Variants in PLOD1 observed in about 807,000 individuals in gnomAD.
PLOD1 encodes procollagen-lysine,2-oxoglutarate 5-dioxygenase 1.
A neutral mutation model predicts 94.7 loss-of-function variants in PLOD1; 70 were observed. The ratio of observed to expected loss-of-function variants is 0.74; its 90% CI spans 0.61 to 0.90. The LOEUF is 0.90. Among genes scored for constraint, PLOD1 ranks in the 40% least tolerant of loss-of-function variants. PLOD1 has a pLI of 0.00. For missense variants in PLOD1, 905 were observed against 972.7 expected (o/e 0.93, Z 0.93); for synonymous variants, 417 against 400.2 (o/e 1.04, Z -0.50).
Position 11,964,247 on chromosome 1 carries a change from T to C in PLOD1, c.1275T>C (p.Asp425=), listed in dbSNP as rs979062420. The part of the protein sequence containing the change: ...WSNFWGALSA[D]GYYARSEDYV... The stretch of plus-strand genomic sequence containing the variant: ...ACTTCTGGGGGGCTCTCAGTGCAGA[T>C]GGCTACTATGCCCGTTCCGAGGACT... The change falls in exon 12 of 19, where the codon GAT becomes GAC. Residue 425 remains aspartate, a synonymous_variant. Coordinates refer to ENST00000196061, the MANE Select transcript of PLOD1 (RefSeq NM_000302.4). 2.7e-6 allele frequency: 4 copies of C among 1,466,064 alleles called. No individual in the cohort carries two copies. Among genetic ancestry groups the C allele is most frequent in the Middle Eastern group, 1.9e-4 (1 of 5,308 alleles). The allele number at this position is 1,466,064 out of a possible 1,614,324, so 90.8% of individuals were successfully genotyped here.
chr1:11,968,115 G>A (rs1645834655), intron 16 of PLOD1, among the ~76,000 whole-genome samples: 1 of 151,828 alleles, frequency 6.6e-6, no homozygotes, highest in South Asian at 2.1e-4. Flanking sequence ...CACCATCCCT[G>A]GCTAATTTTT....
rs544162960 is a variant in PLOD1, at chr1:11,939,458, A to C, written c.76+4603A>C. Among the ~76,000 whole-genome samples, 6 of 152,190 alleles carry C rather than the reference A, an allele frequency of 3.9e-5. No individual in the cohort carries two copies. The South Asian group carries it at 1.2e-3, about 32-fold the overall frequency. On this transcript the variant is annotated intron_variant, in intron 1 of 18. Coordinates refer to ENST00000196061, the MANE Select transcript of PLOD1 (RefSeq NM_000302.4). ...GTGCCTTGACTCAGGCCACACAGTG[A>C]CCACCCACGCCTTGGGCTGGGACTG...
intron 1 of PLOD1, among the ~76,000 whole-genome samples, chr1:11,946,996 C>T (rs549415728): frequency 5.1e-4 from 78 of 152,194 alleles, no homozygotes; most frequent in Non-Finnish European, 6.8e-4. Flanking sequence ...CTGCTGGGCA[C>T]GGTGGCTCAT....
At chr1:11,962,452 AT>A (rs1645785224) in intron 10 of PLOD1, among the ~76,000 whole-genome samples, 1 of 149,268 alleles carries the variant, frequency 6.7e-6, no homozygotes, top group Admixed American at 6.7e-5. Flanking sequence ...AATTTTTTGT[AT>A]TTTTAGTAGA....
chr1:11,972,736 G>C lies in PLOD1; in HGVS notation c.1903-136G>C, dbSNP rs971528507. 3 of 859,810 alleles carry C rather than the reference G, an allele frequency of 3.5e-6. No individual in the cohort carries two copies. The highest frequency in any genetic ancestry group is 2.7e-5 in the South Asian group (2 of 74,000). The allele number at this position is 859,810 out of a possible 1,614,324, so 53.3% of individuals were successfully genotyped here. A position where few individuals can be genotyped will look rare whatever the true frequency, so the allele number is the denominator to read the frequency against. ...AGGTAGTTGCAGGCACTCGAGCATAGAGCCCCATGTAGACCTGGCCCCTGT... is the reference window on the plus strand; with the variant it reads ...AGGTAGTTGCAGGCACTCGAGCATACAGCCCCATGTAGACCTGGCCCCTGT... On this transcript the variant is annotated intron_variant, in intron 17 of 18. Transcript: ENST00000196061. This position sits in a 1 kb window ranked among gnomAD's most constrained non-coding sequence, Gnocchi z 4.6.
chr1:11,971,230 G>C (rs1316695811), intron 17 of PLOD1, among the ~76,000 whole-genome samples: 1 of 115,748 alleles, frequency 8.6e-6, no homozygotes, highest in Non-Finnish European at 1.8e-5. Flanking sequence ...GGAGTGGGGG[G>C]CTTGGGTGGA....
intron 1 of PLOD1, among the ~76,000 whole-genome samples, chr1:11,936,494 G>C (rs536599001): frequency 6.6e-6 from 1 of 151,870 alleles, no homozygotes; most frequent in East Asian, 1.9e-4. Context: ...TTTGGGTCAG[G>C]AATGGGAACC....
At position 11,957,950 on chromosome 1, in the gene PLOD1, C is replaced by G. The variant is rs756834446; in HGVS notation, c.843+7C>G. The G allele has an allele frequency of 3.1e-6, 5 of 1,590,952 alleles. No individual in the cohort carries two copies. In the East Asian group the frequency reaches 1.1e-4, roughly 36 times the overall value. On this transcript the variant is annotated splice_region_variant and intron_variant, in intron 8 of 18. Coordinates refer to ENST00000196061, the MANE Select transcript of PLOD1 (RefSeq NM_000302.4). This position sits in a 1 kb window ranked among gnomAD's most constrained non-coding sequence, Gnocchi z 4.1. Reference sequence around the variant, plus strand: ...CAGCCTCAAGGGCATTGGGGTGAGGCTGCGCCCAGGCCTGTGCCTGAGGGA... The same window carrying G: ...CAGCCTCAAGGGCATTGGGGTGAGGGTGCGCCCAGGCCTGTGCCTGAGGGA...
chr1:11,945,897 C>T (rs776108365), intron 1 of PLOD1, among the ~76,000 whole-genome samples: 2 of 151,882 alleles, frequency 1.3e-5, no homozygotes, highest in South Asian at 2.1e-4. Flanking sequence ...TTAGTAGAGA[C>T]GGGGTTTCAC....
Position 11,963,720 on chromosome 1 carries a change from C to T in PLOD1, c.1202+84C>T, listed in dbSNP as rs1486359016. 2 of 791,542 alleles carry T rather than the reference C, an allele frequency of 2.5e-6. No homozygotes were observed. The highest frequency in any genetic ancestry group is 4.4e-6 in the Non-Finnish European group (2 of 454,896). 49.0% of individuals were successfully genotyped at this position (791,542 alleles called of 1,614,324 possible). A position where few individuals can be genotyped will look rare whatever the true frequency, so the allele number is the denominator to read the frequency against. On this transcript the variant is annotated intron_variant, in intron 11 of 18. Transcript: ENST00000196061. The surrounding 1 kb of genome is among the most constrained non-coding windows in gnomAD (Gnocchi z 4.3). Reference sequence around the variant, plus strand: ...AGCCCTCCTTGCCTTCCTCCTCCTCCTCCTCATCCACCTCCTCTTCCTCCT... The same window carrying T: ...AGCCCTCCTTGCCTTCCTCCTCCTCTTCCTCATCCACCTCCTCTTCCTCCT...
intron 13 of PLOD1, among the ~76,000 whole-genome samples, chr1:11,965,232 T>G (rs917887931): frequency 1.1e-4 from 17 of 152,134 alleles, no homozygotes; most frequent in Non-Finnish European, 1.5e-4. Flanking sequence ...GCTCCTTTTC[T>G]TTTACGCATT....
chr1:11,938,889 G>C (rs987014195), intron 1 of PLOD1, among the ~76,000 whole-genome samples: 1 of 152,124 alleles, frequency 6.6e-6, no homozygotes, highest in African/African-American at 2.4e-5. Context: ...GCGCCATCCT[G>C]GGGGGGCTTC....
chr1:11,934,748 C>G lies in PLOD1; in HGVS notation c.-32C>G, dbSNP rs1316113119. 5 of 1,521,768 alleles carry G rather than the reference C, an allele frequency of 3.3e-6. No individual in the cohort carries two copies. Among genetic ancestry groups the G allele is most frequent in the South Asian group, 1.2e-5 (1 of 82,018 alleles). The allele number at this position is 1,521,768 out of a possible 1,614,324, so 94.3% of individuals were successfully genotyped here. ...AAGTTTCCAGCCCTGCGAGCGCCGCCGGGTCGGCCGATCGTCCCCCATACC... is the reference window on the plus strand; with the variant it reads ...AAGTTTCCAGCCCTGCGAGCGCCGCGGGGTCGGCCGATCGTCCCCCATACC... On this transcript the variant is annotated 5_prime_UTR_variant, in exon 1 of 19. Coordinates refer to ENST00000196061, the MANE Select transcript of PLOD1 (RefSeq NM_000302.4).
At position 11,964,190 on chromosome 1, in the gene PLOD1, G is replaced by A. The variant is rs754812888; in HGVS notation, c.1218G>A (p.Pro406=). 66 of 1,613,728 alleles carry A rather than the reference G, an allele frequency of 4.1e-5. No homozygotes were observed. The highest frequency in any genetic ancestry group is 5.0e-5 in the Non-Finnish European group (59 of 1,179,962). ...LIQQNKNVIA[P]LMTRHGRLWS... ...CTTCCCTCAGGAACGTCATTGCCCC[G>A]CTGATGACCCGGCATGGGAGGCTGT... The change falls in exon 12 of 19, where the codon CCG becomes CCA. Residue 406 remains proline, a synonymous_variant. Transcript: ENST00000196061.
chr1:11,934,976 C>A, intron 1 of PLOD1, 121 bp downstream of exon 1: 1 of 1,238,132 alleles, frequency 8.1e-7, no homozygotes, highest in Non-Finnish European at 1.1e-6. Flanking sequence ...TGGGTTCCGG[C>A]TCCTTGTCCA....
intron 3 of PLOD1, 45 bp downstream of exon 3, chr1:11,949,951 T>C (rs1395775750): frequency 1.3e-6 from 2 of 1,598,510 alleles, no homozygotes; most frequent in Non-Finnish European, 8.6e-7. Context: ...CCGCGGAAGA[T>C]AGAAGAATAT....
intron 14 of PLOD1, among the ~76,000 whole-genome samples, chr1:11,966,028 G>A (rs1645814571): frequency 6.6e-6 from 1 of 152,126 alleles, no homozygotes; most frequent in Non-Finnish European, 1.5e-5. Flanking sequence ...CCTGCACACA[G>A]ACATATACAC....
In PLOD1 at chr1:11,957,779, T is replaced by C; in HGVS notation, c.742-63T>C. 9.1e-7 allele frequency: 1 copy of C among 1,104,398 alleles called. No homozygotes were observed. Among genetic ancestry groups the C allele is most frequent in the Non-Finnish European group, 1.4e-6 (1 of 714,488 alleles). 68.4% of individuals were successfully genotyped at this position (1,104,398 alleles called of 1,614,324 possible). The stretch of plus-strand genomic sequence containing the variant: ...GACCCACTGGGGGCCCAGGGAGATG[T>C]GAGTCAGGGCTATGGCAGGTGGGGC... On this transcript the variant is annotated intron_variant, in intron 7 of 18. Coordinates refer to ENST00000196061, the MANE Select transcript of PLOD1 (RefSeq NM_000302.4). This position sits in a 1 kb window ranked among gnomAD's most constrained non-coding sequence, Gnocchi z 4.1.
In PLOD1 at chr1:11,957,352, C is replaced by A. The variant is rs1162077854; in HGVS notation, c.741+338C>A. Reference sequence around the variant, plus strand: ...ACCTTTATTTCATGTTTGCACCAGACAGTAAGACATAGTCATAAGCAGGAC... The same window carrying A: ...ACCTTTATTTCATGTTTGCACCAGAAAGTAAGACATAGTCATAAGCAGGAC... On this transcript the variant is annotated intron_variant, in intron 7 of 18. Transcript: ENST00000196061. The surrounding 1 kb of genome is among the most constrained non-coding windows in gnomAD (Gnocchi z 4.1). Among the ~76,000 whole-genome samples the A allele has an allele frequency of 6.6e-6, 1 of 152,184 alleles. No individual in the cohort carries two copies. Among genetic ancestry groups the A allele is most frequent in the African/African-American group, 2.4e-5 (1 of 41,436 alleles).
Sources: gnomAD v4.1 joint callset for allele counts (sites outside exome capture counted in the v4.1 genomes callset) on GRCh38, gnomAD v4.1.1 for gene constraint, Gnocchi (gnomAD v3.1) non-coding constraint, MANE v1.5 for transcripts, NCBI Gene and HGNC (gene_info 2026-07-23, HGNC 2026-07-21) for gene names.